Variants in KNOP1 observed in about 807,000 individuals in gnomAD.
KNOP1 encodes the protein lysine rich nucleolar protein 1.
Under a neutral mutation model 30.6 loss-of-function variants are expected in KNOP1, and 20 were observed. That is an observed-to-expected ratio of 0.65 (90% CI 0.46 to 0.95). The LOEUF (loss-of-function observed/expected upper bound fraction) is 0.95, where lower values mean the gene tolerates loss of function less well. KNOP1 is among the 40% of genes least tolerant of loss of function. KNOP1 has a pLI of 0.00. For missense variants in KNOP1, 540 were observed against 562.0 expected (o/e 0.96, Z 0.40); for synonymous variants, 204 against 210.0 (o/e 0.97, Z 0.25).
At chr16:19,710,911 CA>C (rs547237111) in intron 3 of KNOP1, among the ~76,000 whole-genome samples, 1,153 of 80,620 alleles carry the variant, frequency 0.014, 14 homozygotes, top group African/African-American at 0.037. Context: ...GACTCCGTCT[CA>C]AAAAAAAAAA....
In KNOP1 at chr16:19,711,384, C is replaced by T. The variant is rs780918991; in HGVS notation, c.975G>A (p.Ala325=). The T allele has an allele frequency of 2.4e-5, 38 of 1,613,916 alleles. No homozygotes were observed. The highest frequency in any genetic ancestry group is 6.7e-5 in the African/African-American group (5 of 74,908). ...GTCTGGGCTGTACCTGGTCTATGTG[C>T]GCCTCATCCATGTTGCCTTTTTTTT... ...VLEKKGNMDE[A]HIDQVRRKAL... is the part of the protein sequence containing the mutation. Residue 325 remains alanine (A), a synonymous_variant, in exon 3 of 5, where the codon GCG becomes GCA. Coordinates refer to ENST00000219837, the MANE Select transcript of KNOP1 (RefSeq NM_001012991.3).
At position 19,707,045 on chromosome 16, in the gene KNOP1, C is replaced by T; in HGVS notation, c.1242G>A (p.Gln414=). ...LGKKAADSLQ[Q]NLQRDYDRAM... ...CCCGGTCGTAGTCCCGCTGCAGATTCTGCTGCAGGCTGTCAGCCGCCTTCT... is the reference window on the plus strand; with the variant it reads ...CCCGGTCGTAGTCCCGCTGCAGATTTTGCTGCAGGCTGTCAGCCGCCTTCT... The change falls in exon 5 of 5, where the codon CAG becomes CAA. Residue 414 remains glutamine (Q), a synonymous_variant. Coordinates refer to ENST00000219837, the MANE Select transcript of KNOP1 (RefSeq NM_001012991.3). 6.2e-7 allele frequency: 1 copy of T among 1,614,132 alleles called. No individual in the cohort carries two copies. Among genetic ancestry groups the T allele is most frequent in the South Asian group, 1.1e-5 (1 of 91,080 alleles).
intron 4 of KNOP1, among the ~76,000 whole-genome samples, chr16:19,707,515 C>T (rs1020626038): frequency 6.6e-6 from 1 of 152,026 alleles, no homozygotes; most frequent in African/African-American, 2.4e-5. Context: ...AACACCACTG[C>T]CCACCTCTGC....
intron 4 of KNOP1, chr16:19,710,239 G>A (rs1216957691): frequency 5.5e-6 from 3 of 540,788 alleles, no homozygotes; most frequent in East Asian, 6.4e-5. Context: ...TAATCCTTAG[G>A]ACACCCCACC....
In KNOP1 at chr16:19,705,111, T is replaced by C. The variant is rs1318309561; in HGVS notation, c.*1799A>G. On this transcript the variant is annotated 3_prime_UTR_variant, in exon 5 of 5. Transcript: ENST00000219837. The stretch of plus-strand genomic sequence containing the variant: ...AAAGGCTTTTCTTCCTCTGGAATGT[T>C]CTAGGGTCTTGATATGCTGCCTGGA... The C allele has an allele frequency of 4.4e-6, 2 of 455,302 alleles. No homozygotes were observed. Among genetic ancestry groups the C allele is most frequent in the African/African-American group, 2.0e-5 (1 of 50,176 alleles). 28.2% of individuals were successfully genotyped at this position (455,302 alleles called of 1,614,324 possible).
Position 19,707,096 on chromosome 16 carries a change from A to G in KNOP1, c.1191T>C (p.Ile397=). The change falls in exon 5 of 5, where the codon ATT becomes ATC. Residue 397 remains isoleucine, a synonymous_variant. Transcript: ENST00000219837. ...TGCCGAGGGCCATGTTGGGCCTTGCAATCGTGCTGGCGGGGCGGCTGAACG... is the reference window on the plus strand; with the variant it reads ...TGCCGAGGGCCATGTTGGGCCTTGCGATCGTGCTGGCGGGGCGGCTGAACG... ...SPSFSRPAST[I]ARPNMALGKK... 1.9e-6 allele frequency: 3 copies of G among 1,614,160 alleles called. No homozygotes were observed. Among genetic ancestry groups the G allele is most frequent in the Non-Finnish European group, 2.5e-6 (3 of 1,180,018 alleles).
chr16:19,716,726 G>A (rs1166310293), intron 1 of KNOP1, among the ~76,000 whole-genome samples: 1 of 152,228 alleles, frequency 6.6e-6, no homozygotes, highest in Non-Finnish European at 1.5e-5. Flanking sequence ...CCCAAAATAG[G>A]TGAGCACAGT....
chr16:19,708,491 C>T (rs1010196231), intron 4 of KNOP1, among the ~76,000 whole-genome samples: 1 of 152,086 alleles, frequency 6.6e-6, no homozygotes, highest in African/African-American at 2.4e-5. Context: ...TGATAACATC[C>T]CCCTCACAGG....
rs75908241 is a variant in KNOP1 at position 19,706,846 on chromosome 16, T to A, written c.*64A>T. ...ATTTTTTCACAAAAAAAATTTGTAATCTCCAGCATAAATGGAATAATCAAA... is the reference window on the plus strand; with the variant it reads ...ATTTTTTCACAAAAAAAATTTGTAAACTCCAGCATAAATGGAATAATCAAA... On this transcript the variant is annotated 3_prime_UTR_variant, in exon 5 of 5. Transcript: ENST00000219837. The A allele has an allele frequency of 0.027, 41,334 of 1,542,006 alleles. 742 individuals carry two copies. Among genetic ancestry groups the A allele is most frequent in the Admixed American group, 0.083 (3,872 of 46,786 alleles).
chr16:19,709,780 T>G (rs1449296401), intron 4 of KNOP1, among the ~76,000 whole-genome samples: 1 of 152,314 alleles, frequency 6.6e-6, no homozygotes, highest in East Asian at 1.9e-4. Flanking sequence ...CTCGCCCATC[T>G]GTTGCAGCCC....
chr16:19,709,451 G>A (rs941481003), intron 4 of KNOP1, among the ~76,000 whole-genome samples: 2 of 152,126 alleles, frequency 1.3e-5, no homozygotes, highest in African/African-American at 2.4e-5. Context: ...CTCAGGCTGC[G>A]GCCTGCAGGC....
intron 3 of KNOP1, 70 bp downstream of exon 3, chr16:19,711,302 C>T: frequency 6.7e-7 from 1 of 1,501,934 alleles, no homozygotes; most frequent in Admixed American, 1.7e-5. Flanking sequence ...GCCAGCCTGG[C>T]AGGCAGCAAG....
chr16:19,703,379 T>G lies in KNOP1; in HGVS notation c.*3531A>C, dbSNP rs1407291132. The stretch of plus-strand genomic sequence containing the variant: ...TGCCTTCCTCTTCCACATTTAGGGA[T>G]CTTTGTGATTCCTCCGGCCCACCCA... On this transcript the variant is annotated 3_prime_UTR_variant, in exon 5 of 5. Transcript: ENST00000219837. 6.6e-6 allele frequency: 1 copy of G among 152,142 alleles called. No individual in the cohort carries two copies. The highest frequency in any genetic ancestry group is 1.5e-5 in the Non-Finnish European group (1 of 68,042). The allele number at this position is 152,142 out of a possible 1,614,324, so 9.4% of individuals were successfully genotyped here.
intron 2 of KNOP1, among the ~76,000 whole-genome samples, chr16:19,712,929 C>T (rs989040501): frequency 9.9e-5 from 15 of 152,194 alleles, no homozygotes; most frequent in Admixed American, 3.9e-4. Context: ...CCCTCTCCCA[C>T]TCCAGGCAGC....
rs906327808 is a variant in KNOP1 at position 19,718,149 on chromosome 16, G to A, written c.-3+9C>T. The A allele has an allele frequency of 5.4e-6, 8 of 1,472,666 alleles. No individual in the cohort carries two copies. Among genetic ancestry groups the A allele is most frequent in the Non-Finnish European group, 6.3e-6 (7 of 1,117,136 alleles). The allele number at this position is 1,472,666 out of a possible 1,614,324, so 91.2% of individuals were successfully genotyped here. On this transcript the variant is annotated intron_variant, in intron 1 of 4. Coordinates refer to ENST00000219837, the MANE Select transcript of KNOP1 (RefSeq NM_001012991.3). ...CGCCGGCCCGCCTGCAACGCGCCCT[G>A]GCACTCACCGGTGGGCGAAATTTCC...
In KNOP1 at chr16:19,714,113, A is replaced by G. The variant is rs374137778; in HGVS notation, c.918+5T>C. 7 of 1,602,546 alleles carry G rather than the reference A, an allele frequency of 4.4e-6. No homozygotes were observed. The highest frequency in any genetic ancestry group is 3.5e-5 in the Admixed American group (2 of 57,078). On this transcript the variant is annotated splice_donor_5th_base_variant and intron_variant, in intron 2 of 4. Coordinates refer to ENST00000219837, the MANE Select transcript of KNOP1 (RefSeq NM_001012991.3). Reference sequence around the variant, plus strand: ...GGCAAAGTCCATTTCTGAAGGAAAAACTACCTCCTTCCAAGGGTCTCCTGC... The same window carrying G: ...GGCAAAGTCCATTTCTGAAGGAAAAGCTACCTCCTTCCAAGGGTCTCCTGC...
intron 1 of KNOP1, chr16:19,715,347 G>A (rs941148623): frequency 3.7e-6 from 1 of 271,712 alleles, no homozygotes; most frequent in Non-Finnish European, 6.8e-6. Context: ...AAGGGTGTTG[G>A]AGGGAGTAAA....
At position 19,715,262 on chromosome 16, in the gene KNOP1, A is replaced by G. The variant is rs140149359; in HGVS notation, c.-2-225T>C. The stretch of plus-strand genomic sequence containing the variant: ...AAACCTAAATGCCTCTCTCACCTTA[A>G]GTAAATCAGCTAACCTCCCTGAGCC... On this transcript the variant is annotated intron_variant, in intron 1 of 4. Transcript: ENST00000219837. 9.7e-4 allele frequency: 402 copies of G among 414,054 alleles called. 2 individuals carry two copies. The highest frequency in any genetic ancestry group is 8.9e-3 in the East Asian group (240 of 27,092). 25.6% of individuals were successfully genotyped at this position (414,054 alleles called of 1,614,324 possible).
Position 19,714,132 on chromosome 16 carries a change from C to A in KNOP1, c.904G>T (p.Asp302Tyr). The A allele has an allele frequency of 6.2e-7, 1 of 1,610,392 alleles. No individual in the cohort carries two copies. ...KKRKESGVAGDPWKEETDTDL... is the reference protein window; with the variant it reads ...KKRKESGVAGYPWKEETDTDL... ...GGAAAAACTACCTCCTTCCAAGGGT[C>A]TCCTGCTACCCCACTCTCTTTCCTC... is the stretch of plus-strand genomic sequence containing the variant. The change falls in exon 2 of 5, where the codon GAC (aspartate) becomes TAC (tyrosine). Residue 302 changes from aspartate to tyrosine, a missense_variant. Transcript: ENST00000219837.
Sources: gnomAD v4.1 joint callset for allele counts (sites outside exome capture counted in the v4.1 genomes callset) on GRCh38, gnomAD v4.1.1 for gene constraint, MANE v1.5 for transcripts, NCBI Gene and HGNC (gene_info 2026-07-23, HGNC 2026-07-21) for gene names.